Variants in COL13A1 observed in about 807,000 individuals in gnomAD.
The protein encoded by COL13A1 is collagen type XIII alpha 1 chain.
A neutral mutation model predicts 130.9 loss-of-function variants in COL13A1; 89 were observed. That is an observed-to-expected ratio of 0.68 (90% CI 0.57 to 0.81). The LOEUF is 0.81. Among genes scored for constraint, COL13A1 ranks in the 30% least tolerant of loss-of-function variants. COL13A1 has a pLI of 0.00. For synonymous variants in COL13A1, 402 were observed against 341.6 expected (o/e 1.18, Z -1.95); for missense variants, 879 against 934.6 (o/e 0.94, Z 0.78).
At chr10:69,921,010 A>T (rs1222137470) in intron 21 of COL13A1, among the ~76,000 whole-genome samples, 1 of 152,076 alleles carries the variant, frequency 6.6e-6, no homozygotes, top group Non-Finnish European at 1.5e-5. Context: ...CTGGGTAGGG[A>T]AGTGTATTAT....
At chr10:69,906,298 ACT>A (rs578044741) in intron 17 of COL13A1, among the ~76,000 whole-genome samples, 142 of 152,116 alleles carry the variant, frequency 9.3e-4, no homozygotes, top group African/African-American at 3.0e-3. Flanking sequence ...AAGTTTACTG[ACT>A]CTCTGTCACA....
chr10:69,875,242 T>C, intron 5 of COL13A1, 79 bp downstream of exon 5: 1 of 1,570,130 alleles, frequency 6.4e-7, no homozygotes, highest in Non-Finnish European at 8.8e-7. Context: ...ACCATGGCAA[T>C]GTGCTGTCTA....
chr10:69,918,925 A>G, intron 19 of COL13A1, 137 bp from the exon 20 acceptor site: 1 of 987,916 alleles, frequency 1.0e-6, no homozygotes, highest in Admixed American at 1.8e-5. Flanking sequence ...ATGCCTGAAC[A>G]GAGAAGAGCC....
intron 34 of COL13A1, among the ~76,000 whole-genome samples, chr10:69,938,518 A>G (rs1488131968): frequency 6.6e-6 from 1 of 152,138 alleles, no homozygotes; most frequent in Admixed American, 6.5e-5. Context: ...TGGAGGTCAC[A>G]TACAAAGTTG....
At chr10:69,870,338 G>A (rs745776605) in intron 3 of COL13A1, among the ~76,000 whole-genome samples, 7 of 151,106 alleles carry the variant, frequency 4.6e-5, no homozygotes, top group Non-Finnish European at 1.0e-4. Flanking sequence ...TGAGAGGCAG[G>A]GTCTCACTCT....
chr10:69,888,540 C>T, intron 9 of COL13A1, among the ~76,000 whole-genome samples: 1 of 152,208 alleles, frequency 6.6e-6, no homozygotes, highest in East Asian at 1.9e-4. Context: ...AGCTGCTGAG[C>T]TTGGCTTTCG....
At chr10:69,882,678 G>C (rs1196651619) in intron 7 of COL13A1, among the ~76,000 whole-genome samples, 2 of 152,216 alleles carry the variant, frequency 1.3e-5, no homozygotes, top group East Asian at 3.8e-4. Context: ...TCAATACCCT[G>C]TTCCATGTTT....
rs868359029 is a variant in COL13A1, at chr10:69,945,783, C to T, written c.2022+59C>T. The T allele has an allele frequency of 1.9e-6, 3 of 1,566,692 alleles. No homozygotes were observed. In the South Asian group the frequency reaches 3.5e-5, roughly 18 times the overall value. ...CCACCCCTGCCCCCATTAGAAATAC[C>T]CACGGCCGGCCGGGCATGGTGGCTC... On this transcript the variant is annotated intron_variant, in intron 37 of 40. Transcript: ENST00000645393.
At chr10:69,826,500 G>A (rs899774122) in intron 2 of COL13A1, among the ~76,000 whole-genome samples, 41 of 152,286 alleles carry the variant, frequency 2.7e-4, no homozygotes, top group African/African-American at 8.2e-4. Context: ...CGGAGAAGTC[G>A]CCTTCAGCCA....
chr10:69,819,591 C>A (rs1227773), intron 1 of COL13A1, among the ~76,000 whole-genome samples: 89,729 of 151,912 alleles, frequency 0.59, 27,592 homozygotes, highest in South Asian at 0.74. Context: ...TATGGGTTGC[C>A]TTTGGGGGAG....
chr10:69,802,206 C>G lies in COL13A1; in HGVS notation c.-218C>G, dbSNP rs555113705. Reference sequence around the variant, plus strand: ...GTTCTTCGAAATAACTTTTTTCTCACCTAGGTGTACCCCAATTACCGCTGG... The same window carrying G: ...GTTCTTCGAAATAACTTTTTTCTCAGCTAGGTGTACCCCAATTACCGCTGG... On this transcript the variant is annotated 5_prime_UTR_variant, in exon 1 of 41. Transcript: ENST00000645393. 1.9e-6 allele frequency: 1 copy of G among 526,776 alleles called. No homozygotes were observed. Among genetic ancestry groups the G allele is most frequent in the South Asian group, 3.5e-5 (1 of 28,612 alleles). 32.6% of individuals were successfully genotyped at this position (526,776 alleles called of 1,614,324 possible).
chr10:69,902,818 T>C lies in COL13A1; in HGVS notation c.821T>C (p.Leu274Pro). The C allele has an allele frequency of 1.9e-6, 3 of 1,548,844 alleles. No homozygotes were observed. The highest frequency in any genetic ancestry group is 2.6e-6 in the Non-Finnish European group (3 of 1,145,330). Residue 274 changes from leucine to proline, a missense_variant, in exon 15 of 41, where the codon CTG becomes CCG. Transcript: ENST00000645393. ...GGCCCCCCTGGACCAAGTGGACCTC[T>C]GGGGCACCCAGGACTGCCAGGGCCT... The part of the protein sequence containing the change: ...PPGPPGPSGP[L>P]GHPGLPGPMG...
At chr10:69,825,511 C>T (rs1204893599) in intron 2 of COL13A1, among the ~76,000 whole-genome samples, 1 of 152,206 alleles carries the variant, frequency 6.6e-6, no homozygotes, top group Non-Finnish European at 1.5e-5. Flanking sequence ...CTCGTGTTCT[C>T]CCTCTGCCAT....
At chr10:69,923,546 G>A (rs1298392650) in intron 23 of COL13A1, among the ~76,000 whole-genome samples, 1 of 152,226 alleles carries the variant, frequency 6.6e-6, no homozygotes, top group Non-Finnish European at 1.5e-5. Flanking sequence ...GCCTGGCAGG[G>A]CAGAGTGGAC....
At chr10:69,932,636 C>G (rs919484198) in intron 31 of COL13A1, 32 bp downstream of exon 31, 2 of 1,435,930 alleles carry the variant, frequency 1.4e-6, no homozygotes, top group African/African-American at 2.8e-5. Context: ...AGAGACTCAT[C>G]AAGCGACAGT....
intron 1 of COL13A1, among the ~76,000 whole-genome samples, chr10:69,818,971 A>G (rs754297938): frequency 6.6e-6 from 1 of 152,170 alleles, no homozygotes; most frequent in Non-Finnish European, 1.5e-5. Flanking sequence ...CTCCCGACTC[A>G]ACACCCAGGC....
chr10:69,906,181 G>C (rs1589429874), intron 17 of COL13A1, among the ~76,000 whole-genome samples: 1 of 152,360 alleles, frequency 6.6e-6, no homozygotes, highest in African/African-American at 2.4e-5. Flanking sequence ...ACAAATTTCA[G>C]GTTGAGAGAA....
chr10:69,905,894 C>A, intron 17 of COL13A1, 72 bp downstream of exon 17: 2 of 1,533,844 alleles, frequency 1.3e-6, no homozygotes, highest in South Asian at 2.4e-5. Context: ...ACCTCAGACC[C>A]AAGAGGGTCT....
chr10:69,815,670 T>C (rs534035423), intron 1 of COL13A1, among the ~76,000 whole-genome samples: 1 of 152,294 alleles, frequency 6.6e-6, no homozygotes, highest in South Asian at 2.1e-4. Context: ...CACCTGATTG[T>C]ACATGCTCAG....
Sources: gnomAD v4.1 joint callset for allele counts (sites outside exome capture counted in the v4.1 genomes callset) on GRCh38, gnomAD v4.1.1 for gene constraint, MANE v1.5 for transcripts, NCBI Gene and HGNC (gene_info 2026-07-23, HGNC 2026-07-21) for gene names.